Variants in WDR7 observed in about 807,000 individuals in gnomAD.
WDR7 encodes the protein WD repeat-containing protein 7.
Under a neutral mutation model 169.4 loss-of-function variants are expected in WDR7, and 46 were observed. The observed-to-expected ratio is 0.27, with a 90% CI of 0.21 to 0.35. WDR7 has a LOEUF of 0.35. Among genes scored for constraint, WDR7 ranks in the 10% least tolerant of loss-of-function variants. WDR7 has a pLI of 1.00. For synonymous variants in WDR7, 612 were observed against 666.8 expected (o/e 0.92, Z 1.27); for missense variants, 1,534 against 1,859.3 (o/e 0.83, Z 3.22).
chr18:56,779,382 G>T, intron 17 of WDR7, 49 bp from the exon 18 acceptor site: 1 of 1,463,328 alleles, frequency 6.8e-7, no homozygotes, highest in South Asian at 1.3e-5. Context: ...GTTGACTTAG[G>T]GAATGCCAAA....
intron 19 of WDR7, among the ~76,000 whole-genome samples, chr18:56,811,882 G>A (rs974129390): frequency 6.6e-6 from 1 of 152,050 alleles, no homozygotes; most frequent in East Asian, 1.9e-4. Flanking sequence ...AACTTTATAT[G>A]TCTTAAAATG....
At chr18:56,711,646 C>T (rs997586) in intron 12 of WDR7, among the ~76,000 whole-genome samples, 139,766 of 152,052 alleles carry the variant, frequency 0.92, 65,366 homozygotes, top group East Asian at 1. Context: ...GGTGTTTTGG[C>T]TGGACCATAT....
At chr18:56,771,515 A>C (rs1309840546) in intron 16 of WDR7, among the ~76,000 whole-genome samples, 1 of 151,312 alleles carries the variant, frequency 6.6e-6, no homozygotes. Flanking sequence ...TGAATGCAAG[A>C]GTTTGAGACC....
intron 25 of WDR7, among the ~76,000 whole-genome samples, chr18:56,943,343 C>T (rs1221794696): frequency 6.9e-6 from 1 of 145,032 alleles, no homozygotes; most frequent in Non-Finnish European, 1.5e-5. Flanking sequence ...GTTTTGTATT[C>T]TTTTTTTTTT....
chr18:56,880,653 AC>A (rs1420649020), intron 21 of WDR7, among the ~76,000 whole-genome samples: 1 of 152,220 alleles, frequency 6.6e-6, no homozygotes, highest in Admixed American at 6.5e-5. Flanking sequence ...ATGTGATAAT[AC>A]ATATAAATAA....
Position 56,756,792 on chromosome 18 carries a change from T to C in WDR7, c.2199T>C (p.Phe733=), listed in dbSNP as rs765822810. Residue 733 remains phenylalanine, a synonymous_variant, in exon 15 of 28, where the codon TTT becomes TTC. Transcript: ENST00000254442. ...ASGSSDKGGS[F]LTGKRAAVLF... ...GCAGTTCAGACAAAGGGGGCTCTTT[T>C]TTAACTGGAAAACGAGCAGCAGTTC... is the stretch of plus-strand genomic sequence containing the variant. 3 of 1,614,054 alleles carry C rather than the reference T, an allele frequency of 1.9e-6. No homozygotes were observed. The highest frequency in any genetic ancestry group is 1.1e-5 in the South Asian group (1 of 91,060).
chr18:56,742,940 CT>C (rs1417337305), intron 14 of WDR7, among the ~76,000 whole-genome samples: 2 of 99,002 alleles, frequency 2.0e-5, no homozygotes, highest in African/African-American at 5.4e-5. Flanking sequence ...GGCTTTCAAA[CT>C]TTAAAAAAAA....
chr18:56,772,737 G>T (rs1164567282), intron 16 of WDR7, among the ~76,000 whole-genome samples: 1 of 150,726 alleles, frequency 6.6e-6, no homozygotes, highest in Non-Finnish European at 1.5e-5. Flanking sequence ...ATAATATATA[G>T]ATAGTATATA....
intron 13 of WDR7, among the ~76,000 whole-genome samples, chr18:56,728,955 G>C (rs12454362): frequency 6.6e-6 from 1 of 151,904 alleles, no homozygotes; most frequent in Admixed American, 6.5e-5. Context: ...TCTGACATGG[G>C]CTCCTACCTT....
At chr18:57,013,329 A>G (rs1469913759) in intron 26 of WDR7, among the ~76,000 whole-genome samples, 1 of 152,206 alleles carries the variant, frequency 6.6e-6, no homozygotes, top group Non-Finnish European at 1.5e-5. Flanking sequence ...GTACCAGTCC[A>G]TGGTCCAGGG....
chr18:57,036,410 G>T, the WDR7 span: 8 of 152,258 alleles, frequency 5.3e-5, no homozygotes, highest in Non-Finnish European at 1.0e-4. Context: ...CCATCATGGG[G>T]ATAAAAGGAC....
chr18:56,983,934 A>T (rs1237460805), intron 26 of WDR7, among the ~76,000 whole-genome samples: 4 of 151,934 alleles, frequency 2.6e-5, no homozygotes, highest in African/African-American at 7.2e-5. Context: ...TTCTTTTTTC[A>T]TTTCTTTTAA....
intron 7 of WDR7, among the ~76,000 whole-genome samples, chr18:56,690,139 T>C (rs1018609459): frequency 6.6e-6 from 1 of 152,252 alleles, no homozygotes; most frequent in African/African-American, 2.4e-5. Flanking sequence ...TGCTAGGAAT[T>C]ATAAGAGCAG....
chr18:56,861,251 G>C (rs763715872), intron 20 of WDR7, among the ~76,000 whole-genome samples: 1 of 152,138 alleles, frequency 6.6e-6, no homozygotes, highest in South Asian at 2.1e-4. Context: ...TCATGCCGGC[G>C]TGTGAGCCGC....
intron 9 of WDR7, among the ~76,000 whole-genome samples, chr18:56,694,328 GA>G (rs2144633682): frequency 1.1e-5 from 1 of 90,288 alleles, no homozygotes; most frequent in South Asian, 4.4e-4. Context: ...GGCTACACAT[GA>G]GTTATTATAA....
At chr18:56,902,307 G>A (rs140168649) in intron 21 of WDR7, among the ~76,000 whole-genome samples, 2,709 of 152,276 alleles carry the variant, frequency 0.018, 25 homozygotes, top group Non-Finnish European at 0.029. Context: ...ATAGTGCTGA[G>A]CCTATCTTTT....
chr18:56,980,708 TGTAATGA>T (rs2047631657), intron 26 of WDR7, among the ~76,000 whole-genome samples: 1 of 152,188 alleles, frequency 6.6e-6, no homozygotes, highest in Non-Finnish European at 1.5e-5. Flanking sequence ...CAAAGCTATG[TGTAATGA>T]GTAAGGGTTA....
At chr18:56,677,492 G>T (rs2025268094) in intron 2 of WDR7, among the ~76,000 whole-genome samples, 1 of 152,124 alleles carries the variant, frequency 6.6e-6, no homozygotes, top group Non-Finnish European at 1.5e-5. Context: ...TGGGACTACA[G>T]ATGTGTGCCA....
chr18:56,901,568 C>T (rs2046402614), intron 21 of WDR7, among the ~76,000 whole-genome samples: 1 of 152,138 alleles, frequency 6.6e-6, no homozygotes, highest in Non-Finnish European at 1.5e-5. Context: ...CCTAGTACTT[C>T]ACAAGGATGT....
Sources: gnomAD v4.1 joint callset for allele counts (sites outside exome capture counted in the v4.1 genomes callset) on GRCh38, gnomAD v4.1.1 for gene constraint, MANE v1.5 for transcripts, NCBI Gene and HGNC (gene_info 2026-07-23, HGNC 2026-07-21) for gene names.